The following CAMTA1 variants were observed in gnomAD, a reference collection of about 807,000 sequenced individuals.
CAMTA1 encodes calmodulin binding transcription activator 1, also known as calmodulin-binding transcription activator 1.
In CAMTA1, 27 loss-of-function variants were observed where a neutral mutation model predicts 170.9. The ratio of observed to expected loss-of-function variants is 0.16; its 90% CI spans 0.12 to 0.22. CAMTA1 has a LOEUF of 0.22. Among genes scored for constraint, CAMTA1 ranks in the 10% least tolerant of loss-of-function variants. The probability of loss-of-function intolerance (pLI) is 1.00; values close to 1 mark genes in which losing one functional copy is unlikely to be tolerated. For missense variants in CAMTA1, 1,619 were observed against 2,217.2 expected (o/e 0.73, Z 5.42); for synonymous variants, 833 against 891.5 (o/e 0.93, Z 1.17).
intron 6 of CAMTA1, among the ~76,000 whole-genome samples, chr1:7,474,318 A>C (rs1304046492): frequency 7.3e-6 from 1 of 137,154 alleles, no homozygotes; most frequent in East Asian, 2.1e-4. Context: ...AGAAGCAGCT[A>C]TTGGCTGTGT....
chr1:7,495,562 G>A (rs144778695), intron 6 of CAMTA1, among the ~76,000 whole-genome samples: 4 of 152,304 alleles, frequency 2.6e-5, no homozygotes, highest in Non-Finnish European at 4.4e-5. Flanking sequence ...AGCCTGAGTC[G>A]GGTTGTCAGG....
At position 7,137,514 on chromosome 1, in the gene CAMTA1, G is replaced by A. The variant is rs138515089; in HGVS notation, c.302+46143G>A. ...TCTTATTTTAAATGTACGATCCCCC[G>A]CTCCAGGCCCTGGTGCTACCCAGAG... On this transcript the variant is annotated intron_variant, in intron 4 of 22. Transcript: ENST00000303635. Among the ~76,000 whole-genome samples the A allele has an allele frequency of 5.3e-4, 80 of 152,180 alleles. 1 individual carries two copies. The highest frequency in any genetic ancestry group is 1.8e-3 in the African/African-American group (76 of 41,520).
chr1:7,351,790 G>A (rs377135215), intron 5 of CAMTA1, among the ~76,000 whole-genome samples: 48 of 152,308 alleles, frequency 3.2e-4, no homozygotes, highest in African/African-American at 9.4e-4. Flanking sequence ...AAATCCCAGC[G>A]TTGCAGGATA....
chr1:7,607,975 G>A (rs1359886962), intron 6 of CAMTA1, among the ~76,000 whole-genome samples: 1 of 152,220 alleles, frequency 6.6e-6, no homozygotes. Flanking sequence ...GTAGTAGAAG[G>A]TGTCCTTGTG....
intron 4 of CAMTA1, among the ~76,000 whole-genome samples, chr1:7,226,272 G>T (rs995249013): frequency 6.6e-6 from 1 of 151,930 alleles, no homozygotes; most frequent in Non-Finnish European, 1.5e-5. Context: ...CTCATTGCCT[G>T]CCCCTCGTGG....
rs72638511 is a variant in CAMTA1 at position 6,824,820 on chromosome 1, C to T, written c.116-272C>T. ...GGAAAGAACCTTTTAAAATAACTTT[C>T]GGTTATGGGCAGCTGCGGGGATTTT... On this transcript the variant is annotated intron_variant, in intron 2 of 22. Coordinates refer to ENST00000303635, the MANE Select transcript of CAMTA1 (RefSeq NM_015215.4). Among the ~76,000 whole-genome samples the T allele has an allele frequency of 4.6e-3, 702 of 152,128 alleles. 3 individuals are homozygous for T. The highest frequency in any genetic ancestry group is 7.8e-3 in the Non-Finnish European group (529 of 68,012).
At chr1:7,142,108 T>C (rs755115364) in intron 4 of CAMTA1, 1 of 518,752 alleles carries the variant, frequency 1.9e-6, no homozygotes, top group Non-Finnish European at 3.8e-6. Context: ...TCTGTTACTT[T>C]GTTGGGGTGA....
chr1:7,138,719 G>A (rs1645691008), intron 4 of CAMTA1, among the ~76,000 whole-genome samples: 1 of 152,092 alleles, frequency 6.6e-6, no homozygotes, highest in South Asian at 2.1e-4. Context: ...GATCTGCTGG[G>A]CATGGTGGCT....
At chr1:7,416,819 G>T (rs2091211199) in intron 5 of CAMTA1, among the ~76,000 whole-genome samples, 1 of 152,160 alleles carries the variant, frequency 6.6e-6, no homozygotes, top group Admixed American at 6.5e-5. Context: ...ATGTTCCTTT[G>T]GAGGAGGAGA....
intron 3 of CAMTA1, among the ~76,000 whole-genome samples, chr1:6,900,152 A>T (rs1184447731): frequency 6.6e-6 from 1 of 152,216 alleles, no homozygotes; most frequent in Non-Finnish European, 1.5e-5. Context: ...GAGCCTGGAG[A>T]TACTAAACAT....
intron 10 of CAMTA1, among the ~76,000 whole-genome samples, chr1:7,672,547 T>C (rs1459698226): frequency 6.6e-6 from 1 of 152,132 alleles, no homozygotes; most frequent in Non-Finnish European, 1.5e-5. Context: ...TCAGCCTCCC[T>C]GGTACCTGGG....
In CAMTA1 at chr1:7,325,234, C is replaced by T. The variant is rs2149707937; in HGVS notation, c.438+75608C>T. On this transcript the variant is annotated intron_variant, in intron 5 of 22. Transcript: ENST00000303635. This position sits in a 1 kb window ranked among gnomAD's most constrained non-coding sequence, Gnocchi z 5.0. ...GTGACAGATTCTAAACAATAAACAT[C>T]CACGAGGAAATGATAGAAGATATCA... Among the ~76,000 whole-genome samples the T allele has an allele frequency of 6.6e-6, 1 of 152,250 alleles. No homozygotes were observed. Among genetic ancestry groups the T allele is most frequent in the African/African-American group, 2.4e-5 (1 of 41,534 alleles).
At chr1:6,836,482 A>G (rs1280087478) in intron 3 of CAMTA1, among the ~76,000 whole-genome samples, 2 of 152,180 alleles carry the variant, frequency 1.3e-5, no homozygotes, top group Admixed American at 6.5e-5. Context: ...AAATTGTAAA[A>G]TGGCGAGAAC....
At chr1:7,040,261 T>C (rs1343425966) in intron 3 of CAMTA1, among the ~76,000 whole-genome samples, 3 of 152,026 alleles carry the variant, frequency 2.0e-5, no homozygotes, top group African/African-American at 4.8e-5. Context: ...TGTCTCTTGA[T>C]AGCGTAATGC....
At chr1:6,973,222 A>G (rs1692841624) in intron 3 of CAMTA1, among the ~76,000 whole-genome samples, 1 of 152,216 alleles carries the variant, frequency 6.6e-6, no homozygotes, top group Admixed American at 6.5e-5. Flanking sequence ...GCAGATCTCC[A>G]GGACGAACTC....
rs1213053523 is a variant in CAMTA1 at position 7,768,836 on chromosome 1, T to C, written c.*2345T>C. The C allele has an allele frequency of 6.6e-6, 1 of 152,518 alleles. No individual in the cohort carries two copies. Among genetic ancestry groups the C allele is most frequent in the Non-Finnish European group, 1.5e-5 (1 of 68,036 alleles). The allele number at this position is 152,518 out of a possible 1,614,324, so 9.4% of individuals were successfully genotyped here. A position where few individuals can be genotyped will look rare whatever the true frequency, so the allele number is the denominator to read the frequency against. On this transcript the variant is annotated 3_prime_UTR_variant, in exon 23 of 23. Transcript: ENST00000303635. ...ACCTATAGGAGGACACTGAGTAATT[T>C]ACAAACACAACTGCATTCATAAATG...
intron 3 of CAMTA1, among the ~76,000 whole-genome samples, chr1:6,917,848 G>C (rs937038547): frequency 1.6e-5 from 2 of 126,140 alleles, no homozygotes; most frequent in East Asian, 2.3e-4. Context: ...AACCCATCGG[G>C]GGCGGGGGGG....
At chr1:7,279,730 G>A (rs981662377) in intron 5 of CAMTA1, among the ~76,000 whole-genome samples, 10 of 152,262 alleles carry the variant, frequency 6.6e-5, no homozygotes, top group African/African-American at 1.2e-4. Flanking sequence ...GCTTTGGGAC[G>A]TTTTCAGCCT....
intron 3 of CAMTA1, among the ~76,000 whole-genome samples, chr1:6,913,598 C>T (rs939816931): frequency 6.6e-6 from 1 of 152,124 alleles, no homozygotes; most frequent in Non-Finnish European, 1.5e-5. Flanking sequence ...GGGTGCTGAT[C>T]TCTTCTTTTC....
Sources: allele counts gnomAD v4.1 joint callset (sites outside exome capture counted in the v4.1 genomes callset), GRCh38; gene constraint gnomAD v4.1.1; non-coding constraint Gnocchi (gnomAD v3.1); transcripts MANE v1.5; gene names NCBI Gene and HGNC (gene_info 2026-07-23, HGNC 2026-07-21).